The following NKAIN2 variants were observed in gnomAD, a reference collection of about 807,000 sequenced individuals.
NKAIN2 encodes the protein sodium/potassium-transporting ATPase subunit beta-1-interacting protein 2.
A neutral mutation model predicts 32.6 loss-of-function variants in NKAIN2; 14 were observed. The ratio of observed to expected loss-of-function variants is 0.43; its 90% CI spans 0.28 to 0.67. NKAIN2 has a LOEUF of 0.67. Among genes scored for constraint, NKAIN2 ranks in the 30% least tolerant of loss-of-function variants. The pLI is 0.17. For missense variants in NKAIN2, 198 were observed against 258.3 expected, an observed-to-expected ratio of 0.77 and a Z score of 1.60; for synonymous variants, 80 against 87.2, an observed-to-expected ratio of 0.92 and a Z score of 0.46.
intron 1 of NKAIN2, among the ~76,000 whole-genome samples, chr6:124,279,185 A>C (rs1197841963): frequency 6.6e-6 from 1 of 152,144 alleles, no homozygotes; most frequent in Non-Finnish European, 1.5e-5. Context: ...GGGGAAAGTT[A>C]ATGTGACTGG....
chr6:124,526,507 C>G (rs988707184), intron 3 of NKAIN2, among the ~76,000 whole-genome samples: 1 of 151,998 alleles, frequency 6.6e-6, no homozygotes, highest in Admixed American at 6.6e-5. Context: ...GGCCAACCCC[C>G]ACCCTCAGAT....
chr6:124,411,783 G>A (rs934357720), intron 3 of NKAIN2, among the ~76,000 whole-genome samples: 7 of 152,292 alleles, frequency 4.6e-5, no homozygotes, highest in Admixed American at 4.6e-4. Context: ...ATGTTTTCCA[G>A]CTTGGTTCCA....
chr6:124,178,389 C>T (rs541187137), intron 1 of NKAIN2, among the ~76,000 whole-genome samples: 1 of 151,850 alleles, frequency 6.6e-6, no homozygotes, highest in African/African-American at 2.4e-5. Flanking sequence ...GCTCCGCCTC[C>T]TGGGTTCACG....
chr6:124,194,294 CTTTAATTTAATGT>C, intron 1 of NKAIN2, among the ~76,000 whole-genome samples: 1 of 151,996 alleles, frequency 6.6e-6, no homozygotes, highest in East Asian at 1.9e-4. Context: ...CCTTATTTTA[CTTTAATTTAATGT>C]AGCCATACCA....
intron 1 of NKAIN2, among the ~76,000 whole-genome samples, chr6:124,215,946 C>A (rs1250241402): frequency 2.6e-5 from 4 of 151,806 alleles, no homozygotes; most frequent in Non-Finnish European, 5.9e-5. Flanking sequence ...GGTGAAACCC[C>A]ATCTCTACTA....
chr6:124,429,995 AG>A (rs755264097), intron 3 of NKAIN2, among the ~76,000 whole-genome samples: 4 of 147,748 alleles, frequency 2.7e-5, no homozygotes, highest in African/African-American at 9.7e-5. Context: ...GCAATAAAAA[AG>A]TCAAGGGGAA....
chr6:124,452,313 G>C (rs939507074), intron 3 of NKAIN2, among the ~76,000 whole-genome samples: 3 of 151,886 alleles, frequency 2.0e-5, no homozygotes, highest in African/African-American at 7.3e-5. Flanking sequence ...TTGTTGACCA[G>C]AGCATTGGTC....
chr6:124,486,873 A>G (rs1440879855), intron 3 of NKAIN2, among the ~76,000 whole-genome samples: 1 of 151,924 alleles, frequency 6.6e-6, no homozygotes, highest in South Asian at 2.1e-4. Context: ...CCTAGCCTTC[A>G]TGCATCTTCA....
At chr6:124,787,830 T>G (rs1431734819) in intron 4 of NKAIN2, among the ~76,000 whole-genome samples, 1 of 152,106 alleles carries the variant, frequency 6.6e-6, no homozygotes, top group African/African-American at 2.4e-5. Flanking sequence ...TCCATTATTC[T>G]AGTATGAAGT....
intron 1 of NKAIN2, among the ~76,000 whole-genome samples, chr6:124,033,755 A>G (rs879802289): frequency 7.9e-5 from 12 of 152,162 alleles, no homozygotes; most frequent in Non-Finnish European, 1.6e-4. Flanking sequence ...GGAATAATGC[A>G]CTGAATGCAT....
intron 4 of NKAIN2, among the ~76,000 whole-genome samples, chr6:124,673,024 T>A (rs1020207455): frequency 2.6e-5 from 4 of 152,020 alleles, no homozygotes; most frequent in African/African-American, 9.7e-5. Context: ...TATACACTCA[T>A]TGAACAGCAA....
chr6:124,110,620 C>A (rs1204833252), intron 1 of NKAIN2, among the ~76,000 whole-genome samples: 1 of 152,028 alleles, frequency 6.6e-6, no homozygotes, highest in Non-Finnish European at 1.5e-5. Flanking sequence ...ACATTTAGCT[C>A]CCACGTATCA....
intron 4 of NKAIN2, among the ~76,000 whole-genome samples, chr6:124,666,960 T>C (rs1180906063): frequency 6.6e-6 from 1 of 152,142 alleles, no homozygotes; most frequent in African/African-American, 2.4e-5. Flanking sequence ...GCTCAGTTTC[T>C]TCCACTGCTC....
intron 1 of NKAIN2, among the ~76,000 whole-genome samples, chr6:124,197,739 C>G (rs1790382973): frequency 6.6e-6 from 1 of 151,928 alleles, no homozygotes; most frequent in Non-Finnish European, 1.5e-5. Flanking sequence ...TCCTTCATGC[C>G]CCTTGGTAAT....
At chr6:124,326,158 TC>T (rs1241862030) in intron 2 of NKAIN2, among the ~76,000 whole-genome samples, 2 of 151,290 alleles carry the variant, frequency 1.3e-5, no homozygotes, top group East Asian at 2.0e-4. Context: ...ATTTTTTTTT[TC>T]GTCTAACCAT....
At chr6:124,227,768 T>A (rs1366670360) in intron 1 of NKAIN2, among the ~76,000 whole-genome samples, 1 of 152,180 alleles carries the variant, frequency 6.6e-6, no homozygotes, top group Non-Finnish European at 1.5e-5. Context: ...CAGAAGGTAA[T>A]GCCTCATAAC....
chr6:124,740,447 C>CGCGTGTGTGT (rs1777148686), intron 4 of NKAIN2, among the ~76,000 whole-genome samples: 1 of 143,754 alleles, frequency 7.0e-6, no homozygotes, highest in Non-Finnish European at 1.5e-5. Context: ...CACATATACA[C>CGCGTGTGTGT]GTGTGTGTGT....
intron 1 of NKAIN2, among the ~76,000 whole-genome samples, chr6:123,925,198 A>C (rs1775953176): frequency 6.6e-6 from 1 of 152,174 alleles, no homozygotes. Context: ...AATGAGTGAA[A>C]AATATGACCT....
intron 4 of NKAIN2, among the ~76,000 whole-genome samples, chr6:124,729,166 C>T (rs1776511550): frequency 1.3e-5 from 2 of 152,138 alleles, no homozygotes; most frequent in Non-Finnish European, 2.9e-5. Context: ...TGAAACTATT[C>T]CAATCAATAG....
Sources: allele counts gnomAD v4.1 joint callset (sites outside exome capture counted in the v4.1 genomes callset), GRCh38; gene constraint gnomAD v4.1.1; transcripts MANE v1.5; gene names NCBI Gene and HGNC (gene_info 2026-07-23, HGNC 2026-07-21).